Variants in WWOX observed in about 807,000 individuals in gnomAD.
WWOX encodes WW domain containing oxidoreductase.
A neutral mutation model predicts 46.2 loss-of-function variants in WWOX; 69 were observed. The ratio of observed to expected loss-of-function variants is 1.49; its 90% CI spans 1.23 to 1.82. The LOEUF is 1.82. WWOX is among the 40% of genes most tolerant of loss of function. WWOX has a pLI of 0.00. For synonymous variants in WWOX, 359 were observed against 202.6 expected, an observed-to-expected ratio of 1.77 and a Z score of -6.56; for missense variants, 919 against 542.6, an observed-to-expected ratio of 1.69 and a Z score of -6.89.
chr16:78,922,101 G>C (rs1345508191), intron 8 of WWOX, among the ~76,000 whole-genome samples: 1 of 152,164 alleles, frequency 6.6e-6, no homozygotes, highest in African/African-American at 2.4e-5. Flanking sequence ...GAGCCTCTGT[G>C]TTCAGAGTAT....
intron 8 of WWOX, among the ~76,000 whole-genome samples, chr16:78,587,905 A>T (rs1317123600): frequency 6.6e-6 from 1 of 152,168 alleles, no homozygotes; most frequent in Non-Finnish European, 1.5e-5. Flanking sequence ...ATGTTTACTT[A>T]TGGTTATGTA....
chr16:78,862,226 CTG>C (rs1361175370), intron 8 of WWOX, among the ~76,000 whole-genome samples: 2 of 139,266 alleles, frequency 1.4e-5, no homozygotes, highest in African/African-American at 2.5e-5. Flanking sequence ...GTGTGTCTGT[CTG>C]TATCTATACA....
intron 8 of WWOX, among the ~76,000 whole-genome samples, chr16:78,564,578 T>A (rs541479037): frequency 2.6e-4 from 39 of 152,310 alleles, no homozygotes; most frequent in African/African-American, 9.1e-4. Flanking sequence ...AGGTCTCATA[T>A]CAAGAAAAGA....
intron 8 of WWOX, among the ~76,000 whole-genome samples, chr16:78,643,603 G>A (rs1034101906): frequency 5.3e-5 from 8 of 152,128 alleles, no homozygotes; most frequent in African/African-American, 1.2e-4. Flanking sequence ...AATCAGCCAC[G>A]CGCTGAATCT....
intron 8 of WWOX, among the ~76,000 whole-genome samples, chr16:78,858,869 G>A (rs2052634289): frequency 6.6e-6 from 1 of 150,514 alleles, no homozygotes; most frequent in East Asian, 2.0e-4. Flanking sequence ...TTTGTAGTTG[G>A]GGTCTCACCA....
intron 5 of WWOX, among the ~76,000 whole-genome samples, chr16:78,196,868 A>C (rs758896218): frequency 2.0e-5 from 3 of 152,246 alleles, no homozygotes; most frequent in Non-Finnish European, 4.4e-5. Flanking sequence ...AAGATCCACA[A>C]GGCAATTTTA....
At chr16:78,818,656 C>G (rs6564598) in intron 8 of WWOX, among the ~76,000 whole-genome samples, 150,996 of 152,332 alleles carry the variant, frequency 0.99, 74,857 homozygotes, top group Middle Eastern at 1. Flanking sequence ...ACTTGAGCCT[C>G]GTAGGTCGAG....
intron 8 of WWOX, among the ~76,000 whole-genome samples, chr16:78,605,061 A>G (rs1356346293): frequency 9.8e-6 from 1 of 102,146 alleles, no homozygotes; most frequent in Non-Finnish European, 2.0e-5. Flanking sequence ...TTAAATGCTG[A>G]TTTTGTTTTC....
intron 8 of WWOX, among the ~76,000 whole-genome samples, chr16:78,742,103 C>G (rs189294053): frequency 9.2e-5 from 14 of 152,290 alleles, no homozygotes; most frequent in Admixed American, 8.5e-4. Context: ...CCCTATTTAC[C>G]TTTATCTTTT....
intron 1 of WWOX, among the ~76,000 whole-genome samples, chr16:78,105,914 G>A (rs1261625442): frequency 6.6e-6 from 1 of 152,164 alleles, no homozygotes; most frequent in Admixed American, 6.5e-5. Context: ...AAATTCTCAT[G>A]CCTCAGCCAC....
intron 8 of WWOX, among the ~76,000 whole-genome samples, chr16:78,784,730 G>A (rs144294357): frequency 6.6e-6 from 1 of 152,262 alleles, no homozygotes; most frequent in East Asian, 1.9e-4. Flanking sequence ...GATGAGTTGG[G>A]GAGCCTGGTG....
At chr16:78,309,331 G>A (rs939973543) in intron 5 of WWOX, among the ~76,000 whole-genome samples, 6 of 152,162 alleles carry the variant, frequency 3.9e-5, no homozygotes, top group East Asian at 3.9e-4. Flanking sequence ...ACTCTGCCCT[G>A]ATTATAAGTT....
At chr16:78,938,765 G>T (rs1487130803) in intron 8 of WWOX, among the ~76,000 whole-genome samples, 1 of 152,118 alleles carries the variant, frequency 6.6e-6, no homozygotes, top group Admixed American at 6.5e-5. Context: ...GGAGAGAAGT[G>T]AGGTATGGCC....
At chr16:79,082,844 G>A (rs755341819) in intron 8 of WWOX, among the ~76,000 whole-genome samples, 17 of 152,120 alleles carry the variant, frequency 1.1e-4, no homozygotes, top group Non-Finnish European at 2.4e-4. Flanking sequence ...GCTTACAGAG[G>A]TCATGAATTG....
chr16:78,659,409 C>G (rs998645561), intron 8 of WWOX, among the ~76,000 whole-genome samples: 4 of 152,150 alleles, frequency 2.6e-5, no homozygotes, highest in Non-Finnish European at 5.9e-5. Flanking sequence ...TGCTCACCCT[C>G]AGGCTCGCCC....
chr16:78,968,281 C>A (rs1387448281), intron 8 of WWOX, among the ~76,000 whole-genome samples: 1 of 152,200 alleles, frequency 6.6e-6, no homozygotes, highest in East Asian at 1.9e-4. Context: ...AAACTGTGCC[C>A]CATAGTCCTA....
At chr16:78,772,635 G>T (rs1444657080) in intron 8 of WWOX, among the ~76,000 whole-genome samples, 1 of 152,174 alleles carries the variant, frequency 6.6e-6, no homozygotes, top group Non-Finnish European at 1.5e-5. Flanking sequence ...TACCAGCATG[G>T]CTACTACTAG....
intron 8 of WWOX, among the ~76,000 whole-genome samples, chr16:78,739,449 T>C (rs1388539638): frequency 6.6e-6 from 1 of 152,066 alleles, no homozygotes; most frequent in Non-Finnish European, 1.5e-5. Flanking sequence ...TCCTCCAAGC[T>C]CTAGGAAAGG....
intron 5 of WWOX, among the ~76,000 whole-genome samples, chr16:78,185,473 A>T (rs949299415): frequency 1.6e-4 from 24 of 150,506 alleles, no homozygotes; most frequent in African/African-American, 4.9e-4. Context: ...TTTCAAGTTG[A>T]ACTGTGAACT....
Sources: allele counts gnomAD v4.1 joint callset (sites outside exome capture counted in the v4.1 genomes callset), GRCh38; gene constraint gnomAD v4.1.1; transcripts MANE v1.5; gene names NCBI Gene and HGNC (gene_info 2026-07-23, HGNC 2026-07-21).